The following TAF5L variants were observed in gnomAD, a reference collection of about 807,000 sequenced individuals.
TAF5L encodes TATA-box binding protein associated factor 5 like, also known as TAF5-like RNA polymerase II p300/CBP-associated factor-associated factor 65 kDa subunit 5L.
TAF5L carries 7 observed loss-of-function variants against 51.3 expected under a neutral mutation model. The ratio of observed to expected loss-of-function variants is 0.14; its 90% confidence interval spans 0.08 to 0.26. TAF5L has a LOEUF of 0.26. Among genes scored for constraint, TAF5L ranks in the 10% least tolerant of loss-of-function variants. TAF5L has a pLI of 1.00. For synonymous variants in TAF5L, 291 were observed against 308.1 expected, an observed-to-expected ratio of 0.94 and a Z score of 0.58; for missense variants, 575 against 758.9, an observed-to-expected ratio of 0.76 and a Z score of 2.85.
In TAF5L at chr1:229,625,891, T is replaced by A. The variant is rs1337221477; in HGVS notation, c.-10A>T. On this transcript the variant is annotated 5_prime_UTR_variant, in exon 1 of 5. The change abolishes an upstream ATG in the 5' untranslated region. Transcript: ENST00000258281. The surrounding 1 kb of genome is among the most constrained non-coding windows in gnomAD (Gnocchi z 4.0). ...CCGTGCTCCCGGCACTCACTGAACA[T>A]CCCAGGCGGCTCCGGCTCCCCCCGC... 2.4e-5 allele frequency: 3 copies of A among 125,120 alleles called. No homozygotes were observed. The highest frequency in any genetic ancestry group is 3.3e-5 in the Non-Finnish European group (2 of 60,658). 7.8% of individuals were successfully genotyped at this position (125,120 alleles called of 1,614,324 possible).
intron 3 of TAF5L, chr1:229,607,985 T>A (rs896390550): frequency 1.3e-5 from 2 of 152,154 alleles, no homozygotes; most frequent in Non-Finnish European, 2.9e-5. Context: ...AGAAATAAAG[T>A]AAGAACTTAA....
At position 229,599,996 on chromosome 1, in the gene TAF5L, G is replaced by C. The variant is rs1011000321; in HGVS notation, c.972+2199C>G. On this transcript the variant is annotated intron_variant, in intron 4 of 4. Coordinates refer to ENST00000258281, the Ensembl canonical transcript of TAF5L. The stretch of plus-strand genomic sequence containing the variant: ...CTTCACCACTTGCTTTTACCTGTTT[G>C]GTTTCTCTAGGTATGTGAGTTTGTG... 4.1e-6 allele frequency: 4 copies of C among 984,976 alleles called. No homozygotes were observed. The Admixed American group carries it at 2.5e-4, about 61-fold the overall frequency. The allele number at this position is 984,976 out of a possible 1,614,324, so 61.0% of individuals were successfully genotyped here.
At chr1:229,608,640 A>T (rs1180737932) in intron 3 of TAF5L, among the ~76,000 whole-genome samples, 1 of 152,206 alleles carries the variant, frequency 6.6e-6, no homozygotes, top group African/African-American at 2.4e-5. Flanking sequence ...AGTTAAAAAA[A>T]TATGATATTA....
Position 229,603,228 on chromosome 1 carries a change from T to TC in TAF5L, c.248-310dup, listed in dbSNP as rs979663173. On this transcript the variant is annotated intron_variant, in intron 3 of 4. Transcript: ENST00000258281. ...AATACAGTGGCTTGTACCCAGGTCT[T>TC]CAAGATTTAGTATTTTTTCCCAATA... Among the ~76,000 whole-genome samples the TC allele has an allele frequency of 7.9e-5, 12 of 152,334 alleles. No individual in the cohort carries two copies. In the Middle Eastern group the frequency reaches 0.01, roughly 130 times the overall value.
chr1:229,606,060 G>C (rs1241363646), intron 3 of TAF5L: 1 of 825,792 alleles, frequency 1.2e-6, no homozygotes, highest in Non-Finnish European at 1.5e-6. Context: ...TTTCAATTGA[G>C]TAAGTTTAGA....
At chr1:229,605,124 ATG>A in intron 3 of TAF5L, among the ~76,000 whole-genome samples, 1 of 150,102 alleles carries the variant, frequency 6.7e-6, no homozygotes, top group African/African-American at 2.5e-5. Flanking sequence ...ATATATATAT[ATG>A]TATTTTTTTT....
intron 3 of TAF5L, chr1:229,607,948 CAA>C (rs1664653705): frequency 6.6e-6 from 1 of 151,984 alleles, no homozygotes; most frequent in African/African-American, 2.4e-5. Context: ...AAATTACAGA[CAA>C]AATAACAGAC....
intron 4 of TAF5L, among the ~76,000 whole-genome samples, chr1:229,597,551 C>T (rs1164796087): frequency 6.6e-6 from 1 of 152,220 alleles, no homozygotes; most frequent in East Asian, 1.9e-4. Flanking sequence ...CCACACGGGC[C>T]TCAGCACGGT....
At chr1:229,599,586 T>C (rs1406681134) in intron 4 of TAF5L, 1 of 162,406 alleles carries the variant, frequency 6.2e-6, no homozygotes, top group East Asian at 1.9e-4. Flanking sequence ...GCTTTCAAGT[T>C]CATCCATGTT....
At chr1:229,620,053 CA>C (rs1332208449) in intron 1 of TAF5L, among the ~76,000 whole-genome samples, 2 of 152,000 alleles carry the variant, frequency 1.3e-5, no homozygotes, top group Non-Finnish European at 2.9e-5. Flanking sequence ...ACAAAACAAC[CA>C]AAAAGCCAGT....
chr1:229,594,289 T>C lies in TAF5L; in HGVS notation c.*8A>G. On this transcript the variant is annotated 3_prime_UTR_variant, in exon 5 of 5. Coordinates refer to ENST00000258281, the Ensembl canonical transcript of TAF5L. The surrounding 1 kb of genome is among the most constrained non-coding windows in gnomAD (Gnocchi z 7.9). ...GTTACCCCAGTCCGTTCCAACAAAG[T>C]TAAAAAATTAATGTTCCTGATTTTC... 1 of 1,601,738 alleles carries C rather than the reference T, an allele frequency of 6.2e-7. No homozygotes were observed. The highest frequency in any genetic ancestry group is 8.5e-7 in the Non-Finnish European group (1 of 1,171,974).
intron 1 of TAF5L, among the ~76,000 whole-genome samples, chr1:229,622,958 T>C (rs1196920540): frequency 6.6e-6 from 1 of 152,200 alleles, no homozygotes; most frequent in East Asian, 1.9e-4. Context: ...GGAGCTAATC[T>C]GATGTTATCT....
At position 229,600,590 on chromosome 1, in the gene TAF5L, G is replaced by A. The variant is rs111461584; in HGVS notation, c.972+1605C>T. On this transcript the variant is annotated intron_variant, in intron 4 of 4. Coordinates refer to ENST00000258281, the Ensembl canonical transcript of TAF5L. ...CCACTGCCACTACCCTAGTTTGGCCGCCATAATTGCTCATATAAGACAGTG... is the reference window on the plus strand; with the variant it reads ...CCACTGCCACTACCCTAGTTTGGCCACCATAATTGCTCATATAAGACAGTG... 2.5e-3 allele frequency: 2,456 copies of A among 985,394 alleles called. 2 individuals carry two copies. Among genetic ancestry groups the A allele is most frequent in the African/African-American group, 5.7e-3 (327 of 57,324 alleles). The allele number at this position is 985,394 out of a possible 1,614,324, so 61.0% of individuals were successfully genotyped here.
In TAF5L at chr1:229,595,064, T is replaced by A. The variant is rs773916968; in HGVS notation, c.1003A>T (p.Met335Leu). Residue 335 changes from methionine to leucine, a missense_variant, in exon 5 of 5, where the codon ATG becomes TTG. Physicochemically the swap from Met to Leu is conservative, Grantham distance 15. Coordinates refer to ENST00000258281, the Ensembl canonical transcript of TAF5L. ...CCGCAGTGGCCCCGCAGTATCTTCA[T>A]CTCCGTGCCTGCATTATCATCCTCA... The A allele has an allele frequency of 3.1e-6, 5 of 1,606,882 alleles. No individual in the cohort carries two copies. In the Admixed American group the frequency reaches 5.0e-5, roughly 16 times the overall value.
chr1:229,601,491 T>C (rs1664370215), intron 4 of TAF5L: 3 of 985,354 alleles, frequency 3.0e-6, no homozygotes, highest in Non-Finnish European at 3.6e-6. Context: ...GTAGTGATTT[T>C]TGGTGACCTG....
intron 4 of TAF5L, among the ~76,000 whole-genome samples, chr1:229,597,776 A>C (rs1322726126): frequency 6.6e-6 from 1 of 152,234 alleles, no homozygotes; most frequent in Non-Finnish European, 1.5e-5. Flanking sequence ...TTTAACAAGA[A>C]AAATAAACAT....
At chr1:229,601,188 G>A (rs1226308019) in intron 4 of TAF5L, 1 of 985,208 alleles carries the variant, frequency 1.0e-6, no homozygotes, top group African/African-American at 1.7e-5. Context: ...ATCCTAACTG[G>A]AAGTGGACTC....
At chr1:229,604,848 T>C (rs1664522789) in intron 3 of TAF5L, among the ~76,000 whole-genome samples, 2 of 152,154 alleles carry the variant, frequency 1.3e-5, no homozygotes, top group Admixed American at 1.3e-4. Context: ...GTTACGAATG[T>C]TTTGGTGTGA....
chr1:229,595,111 G>A lies in TAF5L; in HGVS notation c.973-17C>T, dbSNP rs1231570651. On this transcript the variant is annotated splice_polypyrimidine_tract_variant and intron_variant, in intron 4 of 4. Transcript: ENST00000258281. The stretch of plus-strand genomic sequence containing the variant: ...CTCATCATCCTGGGAACAGTGGGGT[G>A]GGGTGGGAAAAGAAACACACACAAA... 2.6e-6 allele frequency: 4 copies of A among 1,555,606 alleles called. No individual in the cohort carries two copies. Among genetic ancestry groups the A allele is most frequent in the Admixed American group, 3.8e-5 (2 of 52,792 alleles).
Sources: allele counts gnomAD v4.1 joint callset (sites outside exome capture counted in the v4.1 genomes callset), GRCh38; gene constraint gnomAD v4.1.1; non-coding constraint Gnocchi (gnomAD v3.1); transcripts MANE v1.5; gene names NCBI Gene and HGNC (gene_info 2026-07-23, HGNC 2026-07-21).